CHRNB3: variants seen among roughly 807,000 people sequenced by gnomAD.
The protein encoded by CHRNB3 is neuronal acetylcholine receptor subunit beta-3.
CHRNB3 carries 37 observed loss-of-function variants against 40.6 expected under a neutral mutation model. The ratio of observed to expected loss-of-function variants is 0.91; its 90% CI spans 0.70 to 1.20. The LOEUF (loss-of-function observed/expected upper bound fraction) is 1.20. Among genes scored for constraint, CHRNB3 ranks in the 50% most tolerant of loss-of-function variants. CHRNB3 has a pLI of 0.00. For synonymous variants in CHRNB3, 207 were observed against 207.1 expected, an observed-to-expected ratio of 1.00 and a Z score of 0.00; for missense variants, 505 against 551.2, an observed-to-expected ratio of 0.92 and a Z score of 0.84.
At chr8:42,700,176 G>A (rs1168694340) in intron 1 of CHRNB3, among the ~76,000 whole-genome samples, 3 of 151,682 alleles carry the variant, frequency 2.0e-5, no homozygotes, top group African/African-American at 4.8e-5. Flanking sequence ...ACCACGCCCA[G>A]CTAATATTTT....
At chr8:42,702,557 G>A (rs984265364) in intron 1 of CHRNB3, among the ~76,000 whole-genome samples, 3 of 152,136 alleles carry the variant, frequency 2.0e-5, no homozygotes, top group Admixed American at 6.5e-5. Flanking sequence ...CAGGTCCAGA[G>A]ATCGAGACCA....
At chr8:42,697,946 C>T (rs1319275307) in intron 1 of CHRNB3, among the ~76,000 whole-genome samples, 1 of 152,176 alleles carries the variant, frequency 6.6e-6, no homozygotes, top group Non-Finnish European at 1.5e-5. Context: ...CAGAAATTTA[C>T]TATATCAACA....
chr8:42,711,586 G>A (rs1816017593), intron 3 of CHRNB3, among the ~76,000 whole-genome samples: 1 of 151,938 alleles, frequency 6.6e-6, no homozygotes, highest in Non-Finnish European at 1.5e-5. Context: ...GTAGAAACAG[G>A]GTTTCACCAT....
At chr8:42,717,884 G>A (rs566894516) in intron 3 of CHRNB3, among the ~76,000 whole-genome samples, 14 of 144,082 alleles carry the variant, frequency 9.7e-5, no homozygotes, top group African/African-American at 2.6e-4. Flanking sequence ...GGAGTATGGA[G>A]TACAGTGGCA....
intron 1 of CHRNB3, among the ~76,000 whole-genome samples, chr8:42,707,356 C>T (rs1815937547): frequency 6.6e-6 from 1 of 152,204 alleles, no homozygotes; most frequent in Non-Finnish European, 1.5e-5. Flanking sequence ...CATTACCCAG[C>T]ATGTGGATAT....
intron 1 of CHRNB3, among the ~76,000 whole-genome samples, chr8:42,699,759 C>T (rs1260265721): frequency 6.6e-6 from 1 of 151,966 alleles, no homozygotes; most frequent in Non-Finnish European, 1.5e-5. Flanking sequence ...GAGCGAAACT[C>T]GGTCTCAAAA....
Position 42,731,999 on chromosome 8 carries a change from G to A in CHRNB3, c.692G>A (p.Arg231His). ...ATCACGTATTCCTTCGTCCTGAGAC[G>A]CCTGCCTTTATTCTATACCCTCTTT... ...PFITYSFVLRRLPLFYTLFLI... is the reference protein window; with the variant it reads ...PFITYSFVLRHLPLFYTLFLI... Residue 231 changes from arginine (R) to histidine (H), a missense_variant, in exon 5 of 6, where the codon CGC (arginine) becomes CAC (histidine). Transcript: ENST00000289957. 1.9e-6 allele frequency: 3 copies of A among 1,614,014 alleles called. No homozygotes were observed. The highest frequency in any genetic ancestry group is 2.5e-6 in the Non-Finnish European group (3 of 1,180,004).
chr8:42,701,736 C>G (rs1428973530), intron 1 of CHRNB3, among the ~76,000 whole-genome samples: 1 of 152,226 alleles, frequency 6.6e-6, no homozygotes, highest in Non-Finnish European at 1.5e-5. Context: ...TTTTACCTGA[C>G]TGCTCTGTTG....
At chr8:42,733,884 C>T (rs985711736) in intron 5 of CHRNB3, among the ~76,000 whole-genome samples, 11 of 151,094 alleles carry the variant, frequency 7.3e-5, no homozygotes, top group Admixed American at 4.6e-4. Context: ...CATGAGCCAC[C>T]GTGACCAGCC....
At chr8:42,711,519 T>C (rs1816016289) in intron 3 of CHRNB3, among the ~76,000 whole-genome samples, 2 of 151,710 alleles carry the variant, frequency 1.3e-5, no homozygotes, top group African/African-American at 4.8e-5. Context: ...CTCAGCCTCC[T>C]AAGTAGCTGG....
At chr8:42,736,095 C>T (rs1816518810) in intron 5 of CHRNB3, among the ~76,000 whole-genome samples, 1 of 152,100 alleles carries the variant, frequency 6.6e-6, no homozygotes, top group African/African-American at 2.4e-5. Context: ...GAACTCCTGA[C>T]CTCAGGTGAT....
Position 42,732,288 on chromosome 8 carries a change from G to A in CHRNB3, c.981G>A (p.Thr327=), listed in dbSNP as rs373176274. 19 of 1,607,996 alleles carry A rather than the reference G, an allele frequency of 1.2e-5. No homozygotes were observed. The East Asian group carries it at 1.8e-4, about 15-fold the overall frequency. ...VINVHHRSSS[T]YHPMAPWVKR... ...ACGTTCACCACAGATCTTCTTCCAC[G>A]TACCACCCCATGGCCCCCTGGGTTA... Residue 327 remains threonine (T), a synonymous_variant, in exon 5 of 6, where the codon ACG becomes ACA. Coordinates refer to ENST00000289957, the MANE Select transcript of CHRNB3 (RefSeq NM_000749.5).
rs1554590400 is a variant in CHRNB3, at chr8:42,715,976, C to CCTT, written c.249+5542_249+5543insCTT. Among the ~76,000 whole-genome samples the CCTT allele has an allele frequency of 5.5e-3, 683 of 124,180 alleles. 3 individuals are homozygous for CCTT. The highest frequency in any genetic ancestry group is 0.016 in the African/African-American group (543 of 34,718). 81.5% of individuals were successfully genotyped at this position (124,180 alleles called of 152,430 possible). A position where few individuals can be genotyped will look rare whatever the true frequency, so the allele number is the denominator to read the frequency against. On this transcript the variant is annotated intron_variant, in intron 3 of 5. Coordinates refer to ENST00000289957, the MANE Select transcript of CHRNB3 (RefSeq NM_000749.5). ...TAGAGACAATGAAAATTAAACTGAC[C>CCTT]TTTTTTTTTTTTTTTTTTTTGAGAT...
intron 1 of CHRNB3, among the ~76,000 whole-genome samples, chr8:42,705,106 A>G (rs6997909): frequency 0.61 from 93,371 of 152,030 alleles, 33,228 homozygotes; most frequent in East Asian, 0.81. Flanking sequence ...GACATGTCAG[A>G]TCAAGTCCAT....
intron 1 of CHRNB3, among the ~76,000 whole-genome samples, chr8:42,698,553 ACCTGAACATTAT>A (rs1815719007): frequency 6.6e-6 from 1 of 152,218 alleles, no homozygotes; most frequent in African/African-American, 2.4e-5. Flanking sequence ...GCTGCGAGGC[ACCTGAACATTAT>A]CCTGTTGTCA....
chr8:42,725,178 C>T (rs1460909666), intron 3 of CHRNB3, among the ~76,000 whole-genome samples: 2 of 150,736 alleles, frequency 1.3e-5, no homozygotes, highest in Non-Finnish European at 3.0e-5. Flanking sequence ...CAACCTCCAC[C>T]TCCAGGGTTC....
intron 2 of CHRNB3, among the ~76,000 whole-genome samples, chr8:42,709,559 G>T (rs977249483): frequency 6.6e-6 from 1 of 152,012 alleles, no homozygotes; most frequent in Non-Finnish European, 1.5e-5. Context: ...CAATACCCCA[G>T]GATTCCTTCT....
rs1815963351 is a variant in CHRNB3 at position 42,708,800 on chromosome 8, C to T, written c.136C>T (p.Pro46Ser). 1 of 1,613,922 alleles carries T rather than the reference C, an allele frequency of 6.2e-7. No individual in the cohort carries two copies. Among genetic ancestry groups the T allele is most frequent in the Non-Finnish European group, 8.5e-7 (1 of 1,179,990 alleles). ...CCAAGGTTATCAGAAATGGGTCCGC[C>T]CTGTATTACATTCTAATGACACCAT... is the stretch of plus-strand genomic sequence containing the variant. ...LFQGYQKWVR[P>S]VLHSNDTIKV... The change falls in exon 2 of 6, where the codon CCT becomes TCT. Residue 46 changes from proline to serine, a missense_variant. By Grantham distance (74) the Pro-to-Ser change is moderately conservative. Transcript: ENST00000289957.
intron 3 of CHRNB3, among the ~76,000 whole-genome samples, chr8:42,720,093 G>A (rs1816192005): frequency 8.7e-6 from 1 of 115,404 alleles, no homozygotes; most frequent in African/African-American, 3.3e-5. Context: ...ACGCAACCCT[G>A]CCCCACTCAG....
Sources: allele counts gnomAD v4.1 joint callset (sites outside exome capture counted in the v4.1 genomes callset), GRCh38; gene constraint gnomAD v4.1.1; transcripts MANE v1.5; gene names NCBI Gene and HGNC (gene_info 2026-07-23, HGNC 2026-07-21).